The following ADAMTSL1 variants were observed in gnomAD, a reference collection of about 807,000 sequenced individuals.
ADAMTSL1 encodes the protein ADAMTS-like protein 1.
In ADAMTSL1, 126 loss-of-function variants were observed where a neutral mutation model predicts 201.8. The ratio of observed to expected loss-of-function variants is 0.62; its 90% CI spans 0.54 to 0.72. The LOEUF (loss-of-function observed/expected upper bound fraction) is 0.72. ADAMTSL1 is among the 30% of genes least tolerant of loss of function. The probability of loss-of-function intolerance (pLI) is 0.00; values close to 1 mark genes in which losing one functional copy is unlikely to be tolerated. For synonymous variants in ADAMTSL1, 1,121 were observed against 903.4 expected (o/e 1.24, Z -4.32); for missense variants, 2,679 against 2,277.8 (o/e 1.18, Z -3.59).
intron 1 of ADAMTSL1, among the ~76,000 whole-genome samples, chr9:18,010,909 T>C (rs1820024751): frequency 6.6e-6 from 1 of 152,060 alleles, no homozygotes; most frequent in African/African-American, 2.4e-5. Flanking sequence ...GTGCACATTG[T>C]TTAGATATTT....
intron 19 of ADAMTSL1, among the ~76,000 whole-genome samples, chr9:18,780,787 G>A (rs1821347991): frequency 6.6e-6 from 1 of 152,112 alleles, no homozygotes; most frequent in Admixed American, 6.5e-5. Flanking sequence ...TCTATGAGAT[G>A]TTTTCATAAT....
chr9:18,177,505 C>G (rs771453426), intron 2 of ADAMTSL1, among the ~76,000 whole-genome samples: 1 of 152,086 alleles, frequency 6.6e-6, no homozygotes, highest in South Asian at 2.1e-4. Context: ...GTAAAAGAAA[C>G]TTTCCAGAGA....
chr9:17,998,786 C>G (rs1367559931), intron 1 of ADAMTSL1, among the ~76,000 whole-genome samples: 1 of 151,994 alleles, frequency 6.6e-6, no homozygotes, highest in Non-Finnish European at 1.5e-5. Context: ...GGTGACCTAT[C>G]AAGCCCTTTG....
At chr9:18,877,244 C>A (rs1828221289) in intron 23 of ADAMTSL1, among the ~76,000 whole-genome samples, 1 of 152,134 alleles carries the variant, frequency 6.6e-6, no homozygotes, top group Non-Finnish European at 1.5e-5. Context: ...TCTCTGGCAA[C>A]TCAGAGATTT....
chr9:18,665,108 A>G (rs1281662227), intron 9 of ADAMTSL1, among the ~76,000 whole-genome samples: 3 of 152,068 alleles, frequency 2.0e-5, no homozygotes, highest in Admixed American at 6.6e-5. Flanking sequence ...CTATCCTAAG[A>G]TTGCAAGGTA....
chr9:18,441,890 C>A, intron 2 of ADAMTSL1, among the ~76,000 whole-genome samples: 1 of 152,130 alleles, frequency 6.6e-6, no homozygotes, highest in East Asian at 1.9e-4. Context: ...TGGTGCTGCA[C>A]AAGTGTGCAG....
chr9:18,716,139 G>A (rs10963734), intron 14 of ADAMTSL1, among the ~76,000 whole-genome samples: 38,921 of 149,684 alleles, frequency 0.26, 5,541 homozygotes, highest in Middle Eastern at 0.32. Context: ...AAACCCTAGA[G>A]GAAAACCTAG....
chr9:18,744,533 G>A (rs549218629), intron 15 of ADAMTSL1, among the ~76,000 whole-genome samples: 1 of 152,290 alleles, frequency 6.6e-6, no homozygotes, highest in South Asian at 2.1e-4. Flanking sequence ...CATTTACTGA[G>A]CATGCAGTAA....
intron 20 of ADAMTSL1, among the ~76,000 whole-genome samples, chr9:18,803,523 G>A (rs1369372734): frequency 2.0e-5 from 3 of 152,130 alleles, no homozygotes; most frequent in African/African-American, 7.2e-5. Context: ...CAGGGATTAT[G>A]ACATAAACAT....
intron 7 of ADAMTSL1, among the ~76,000 whole-genome samples, chr9:18,653,784 T>G (rs1032416994): frequency 6.6e-6 from 1 of 152,386 alleles, no homozygotes; most frequent in East Asian, 1.9e-4. Flanking sequence ...TGCTAATGCC[T>G]AATCTTAGCA....
chr9:18,614,069 A>G (rs1213625670), intron 4 of ADAMTSL1, among the ~76,000 whole-genome samples: 1 of 152,090 alleles, frequency 6.6e-6, no homozygotes. Context: ...CTGTCCTAAG[A>G]TGAGAAAGTG....
Position 18,474,248 on chromosome 9 carries a change from C to T in ADAMTSL1, c.16C>T (p.Arg6Trp), listed in dbSNP as rs140413273. Reference sequence around the variant, plus strand: ...GGATCCAAGCATGGAATGCTGCCGTCGGGCAACTCCTGGCACACTGCTCCT... The same window carrying T: ...GGATCCAAGCATGGAATGCTGCCGTTGGGCAACTCCTGGCACACTGCTCCT... MECCRRATPGTLLLFL... is the reference protein window; with the variant it reads MECCRWATPGTLLLFL... Residue 6 changes from arginine (R) to tryptophan (W), a missense_variant, in exon 1 of 29, where the codon CGG (arginine) becomes TGG (tryptophan). By Grantham distance (101) the Arg-to-Trp change is moderately radical. Transcript: ENST00000380548. 4 of 1,614,146 alleles carry T rather than the reference C, an allele frequency of 2.5e-6. No individual in the cohort carries two copies. The highest frequency in any genetic ancestry group is 1.6e-4 in the Middle Eastern group (1 of 6,062).
At chr9:18,046,471 C>A (rs1230832944) in intron 1 of ADAMTSL1, among the ~76,000 whole-genome samples, 1 of 152,114 alleles carries the variant, frequency 6.6e-6, no homozygotes, top group African/African-American at 2.4e-5. Context: ...CATTATCAAC[C>A]ACTTCTATTC....
chr9:18,407,688 G>A (rs531418328), intron 2 of ADAMTSL1, among the ~76,000 whole-genome samples: 64 of 152,324 alleles, frequency 4.2e-4, no homozygotes, highest in Non-Finnish European at 6.9e-4. Context: ...TCTTAATGAG[G>A]ATCAGTGAAG....
chr9:18,145,757 T>C (rs1161965616), intron 1 of ADAMTSL1, among the ~76,000 whole-genome samples: 1 of 152,142 alleles, frequency 6.6e-6, no homozygotes, highest in Non-Finnish European at 1.5e-5. Flanking sequence ...AAGCTAAACA[T>C]TATCTAATTA....
At chr9:18,842,706 A>C (rs188058676) in intron 23 of ADAMTSL1, among the ~76,000 whole-genome samples, 126 of 152,236 alleles carry the variant, frequency 8.3e-4, no homozygotes, top group Admixed American at 3.5e-3. Flanking sequence ...TTGCTTTATG[A>C]ATCTGGGTGC....
chr9:18,006,979 T>C (rs1819853975), intron 1 of ADAMTSL1, among the ~76,000 whole-genome samples: 1 of 152,002 alleles, frequency 6.6e-6, no homozygotes, highest in Admixed American at 6.6e-5. Flanking sequence ...TTGGATTTCA[T>C]GGAAAAATCG....
intron 19 of ADAMTSL1, among the ~76,000 whole-genome samples, chr9:18,790,954 T>C (rs1398080421): frequency 2.0e-5 from 3 of 152,176 alleles, no homozygotes; most frequent in African/African-American, 7.2e-5. Flanking sequence ...GTTCCATAAA[T>C]TCCAAAACAG....
chr9:18,572,372 A>T (rs1822385308), intron 3 of ADAMTSL1, among the ~76,000 whole-genome samples: 1 of 145,214 alleles, frequency 6.9e-6, no homozygotes, highest in African/African-American at 2.5e-5. Context: ...ATCTTAAAAA[A>T]TTTAAACTGC....
Sources: gnomAD v4.1 joint callset for allele counts (sites outside exome capture counted in the v4.1 genomes callset) on GRCh38, gnomAD v4.1.1 for gene constraint, MANE v1.5 for transcripts, NCBI Gene and HGNC (gene_info 2026-07-23, HGNC 2026-07-21) for gene names.